The following CPED1 variants were observed in gnomAD, a reference collection of about 807,000 sequenced individuals.
The protein encoded by CPED1 is cadherin-like and PC-esterase domain-containing protein 1.
CPED1 carries 114 observed loss-of-function variants against 128.2 expected under a neutral mutation model. The ratio of observed to expected loss-of-function variants is 0.89; its 90% CI spans 0.76 to 1.04. The LOEUF (loss-of-function observed/expected upper bound fraction) is 1.04. Ranked by LOEUF, CPED1 falls within the 50% of genes least tolerant of loss-of-function variation. The pLI, the probability that CPED1 is intolerant of heterozygous loss-of-function variation, is 0.00. For missense variants in CPED1, 1,211 were observed against 1,207.1 expected (o/e 1.00, Z -0.05); for synonymous variants, 462 against 426.7 (o/e 1.08, Z -1.02).
At chr7:121,279,191 G>A (rs550439288) in intron 22 of CPED1, among the ~76,000 whole-genome samples, 1 of 152,042 alleles carries the variant, frequency 6.6e-6, no homozygotes, top group South Asian at 2.1e-4. Flanking sequence ...TTACACTAAA[G>A]AAGCTGGTTA....
chr7:121,044,095 A>T (rs1469771544), intron 3 of CPED1, among the ~76,000 whole-genome samples: 1 of 152,154 alleles, frequency 6.6e-6, no homozygotes, highest in Admixed American at 6.5e-5. Flanking sequence ...AAGCACTTTG[A>T]TCTCTGCCCA....
intron 16 of CPED1, among the ~76,000 whole-genome samples, chr7:121,205,225 A>G (rs1379627483): frequency 6.6e-6 from 1 of 152,132 alleles, no homozygotes; most frequent in Admixed American, 6.5e-5. Context: ...TGCATTAGAA[A>G]TACTGTCCTT....
At chr7:121,195,452 T>A (rs1797251065) in intron 16 of CPED1, among the ~76,000 whole-genome samples, 1 of 152,126 alleles carries the variant, frequency 6.6e-6, no homozygotes, top group East Asian at 1.9e-4. Context: ...CCAGCAAAAA[T>A]TTAATTTTAG....
At chr7:121,177,134 A>G (rs1796801433) in intron 16 of CPED1, among the ~76,000 whole-genome samples, 1 of 152,046 alleles carries the variant, frequency 6.6e-6, no homozygotes, top group African/African-American at 2.4e-5. Context: ...ACTGAGATTT[A>G]GATGCATTGA....
chr7:121,122,055 G>A (rs567361735), intron 7 of CPED1, among the ~76,000 whole-genome samples: 6 of 151,780 alleles, frequency 4.0e-5, no homozygotes, highest in Admixed American at 2.6e-4. Context: ...AAGCACTCGC[G>A]TGATTCTACT....
intron 2 of CPED1, among the ~76,000 whole-genome samples, chr7:121,000,491 G>A (rs1791821265): frequency 6.6e-6 from 1 of 152,112 alleles, no homozygotes; most frequent in Non-Finnish European, 1.5e-5. Flanking sequence ...CAAAATAATA[G>A]ATGGATTAAA....
chr7:121,147,217 C>G (rs1018994045), intron 16 of CPED1, among the ~76,000 whole-genome samples: 4 of 152,040 alleles, frequency 2.6e-5, no homozygotes, highest in Non-Finnish European at 5.9e-5. Context: ...TCTTATCTTT[C>G]ATCTTTGTAT....
chr7:121,027,922 C>G (rs73221244), intron 3 of CPED1, among the ~76,000 whole-genome samples: 2,388 of 152,076 alleles, frequency 0.016, 36 homozygotes, highest in Admixed American at 0.03. Context: ...ATCAGAGTCA[C>G]TAAACAAGCG....
At chr7:121,003,650 G>A (rs1052414828) in intron 2 of CPED1, among the ~76,000 whole-genome samples, 8 of 152,120 alleles carry the variant, frequency 5.3e-5, no homozygotes. Context: ...GTTATGATAC[G>A]TTAGTGTGAT....
chr7:121,136,392 A>G (rs1795783407), intron 14 of CPED1, among the ~76,000 whole-genome samples: 1 of 152,024 alleles, frequency 6.6e-6, no homozygotes, highest in Non-Finnish European at 1.5e-5. Context: ...TATCAGCTTT[A>G]TATACTGATC....
At chr7:121,059,913 C>T (rs1793607640) in intron 4 of CPED1, among the ~76,000 whole-genome samples, 1 of 152,228 alleles carries the variant, frequency 6.6e-6, no homozygotes, top group South Asian at 2.1e-4. Context: ...TGTGGGAGCC[C>T]CTTTCTGGGC....
chr7:121,147,800 G>A (rs769843735), intron 16 of CPED1, among the ~76,000 whole-genome samples: 4 of 152,030 alleles, frequency 2.6e-5, no homozygotes, highest in Non-Finnish European at 5.9e-5. Context: ...GGGGAAAATA[G>A]GATTTAAAAA....
chr7:121,157,009 T>A (rs563542392), intron 16 of CPED1, among the ~76,000 whole-genome samples: 1 of 152,314 alleles, frequency 6.6e-6, no homozygotes, highest in South Asian at 2.1e-4. Flanking sequence ...TATGTGTTAA[T>A]CAATTGTTTA....
chr7:121,088,924 A>T (rs1197847189), intron 5 of CPED1, among the ~76,000 whole-genome samples: 2 of 152,114 alleles, frequency 1.3e-5, no homozygotes, highest in Non-Finnish European at 2.9e-5. Context: ...TATAAGATAG[A>T]TGTACCTGGC....
At chr7:121,142,589 G>T (rs1563043415) in intron 16 of CPED1, among the ~76,000 whole-genome samples, 2 of 151,878 alleles carry the variant, frequency 1.3e-5, no homozygotes, top group East Asian at 1.9e-4. Flanking sequence ...AACTAAATTT[G>T]CTTGGGATAG....
In CPED1 at chr7:121,130,192, T is replaced by A. The variant is rs1333088763; in HGVS notation, c.1475T>A (p.Val492Glu). The A allele has an allele frequency of 6.2e-7, 1 of 1,612,942 alleles. No homozygotes were observed. Residue 492 changes from valine (V) to glutamate (E), a missense_variant, in exon 12 of 23, where the codon GTG becomes GAG. Coordinates refer to ENST00000310396, the MANE Select transcript of CPED1 (RefSeq NM_024913.5). ...MHEFYDVANP[V>E]GNPGSVLTQY... ...GAATTTTATGATGTGGCAAATCCTG[T>A]GGGAAATCCTGGCTCAGTCCTGACC...
At chr7:121,070,836 T>C (rs143878646) in intron 5 of CPED1, among the ~76,000 whole-genome samples, 120 of 152,270 alleles carry the variant, frequency 7.9e-4, no homozygotes, top group African/African-American at 2.7e-3. Flanking sequence ...GCCAGATTGA[T>C]CTTCCTCCCA....
chr7:121,004,235 C>T (rs765403064), intron 2 of CPED1, among the ~76,000 whole-genome samples: 1 of 152,124 alleles, frequency 6.6e-6, no homozygotes, highest in Non-Finnish European at 1.5e-5. Flanking sequence ...CATCTGAATG[C>T]CAAGGGGAGA....
chr7:121,223,442 T>C (rs1797932212), intron 16 of CPED1, among the ~76,000 whole-genome samples: 1 of 151,992 alleles, frequency 6.6e-6, no homozygotes, highest in Non-Finnish European at 1.5e-5. Context: ...TCTCTGCCAG[T>C]CTTTGCTATC....
Sources: allele counts gnomAD v4.1 joint callset (sites outside exome capture counted in the v4.1 genomes callset), GRCh38; gene constraint gnomAD v4.1.1; transcripts MANE v1.5; gene names NCBI Gene and HGNC (gene_info 2026-07-23, HGNC 2026-07-21).